The following COL11A1 variants were observed in gnomAD, a reference collection of about 807,000 sequenced individuals.
COL11A1 encodes collagen type XI alpha 1 chain.
Under a neutral mutation model 265.2 loss-of-function variants are expected in COL11A1, and 74 were observed. The observed-to-expected ratio is 0.28, with a 90% CI of 0.23 to 0.34. The LOEUF (loss-of-function observed/expected upper bound fraction) is 0.34, where lower values mean the gene tolerates loss of function less well. COL11A1 is among the 10% of genes least tolerant of loss of function. The pLI is 1.00. For missense variants in COL11A1, 2,165 were observed against 2,263.6 expected (o/e 0.96, Z 0.88); for synonymous variants, 816 against 727.6 (o/e 1.12, Z -1.96).
chr1:103,031,131 T>C lies in COL11A1; in HGVS notation c.765A>G (p.Glu255=), dbSNP rs746077929. The change falls in exon 5 of 67, where the codon GAA becomes GAG. Residue 255 remains glutamate (E), a synonymous_variant. Coordinates refer to ENST00000370096, the MANE Select transcript of COL11A1 (RefSeq NM_001854.4). ...SSAPKAAQAQ[E]PQIDEYAPED... ...TGCTCCTCACCTCATCTATCTGAGG[T>C]TCCTGAGCTTGAGCAGCCTTGGGTG... is the stretch of plus-strand genomic sequence containing the variant. The C allele has an allele frequency of 3.8e-5, 61 of 1,613,342 alleles. No homozygotes were observed. The highest frequency in any genetic ancestry group is 5.1e-5 in the Non-Finnish European group (60 of 1,179,646).
chr1:102,899,004 TA>T lies in COL11A1; in HGVS notation c.4087-11del. 2 of 1,503,458 alleles carry T rather than the reference TA, an allele frequency of 1.3e-6. No homozygotes were observed. Among genetic ancestry groups the T allele is most frequent in the Non-Finnish European group, 1.8e-6 (2 of 1,107,700 alleles). 93.1% of individuals were successfully genotyped at this position (1,503,458 alleles called of 1,614,324 possible). A position where few individuals can be genotyped will look rare whatever the true frequency, so the allele number is the denominator to read the frequency against. On this transcript the variant is annotated splice_polypyrimidine_tract_variant and intron_variant, in intron 54 of 66. Transcript: ENST00000370096. Reference sequence around the variant, plus strand: ...CAGCTCCAGGAGGACCCTATAGACATAAGATTTATTGTAAAATATGTATCAC... The same window carrying T: ...CAGCTCCAGGAGGACCCTATAGACATAGATTTATTGTAAAATATGTATCAC...
intron 28 of COL11A1, among the ~76,000 whole-genome samples, chr1:102,994,310 G>A (rs557680351): frequency 1.3e-5 from 2 of 152,168 alleles, no homozygotes; most frequent in African/African-American, 2.4e-5. Flanking sequence ...ATAGGATCAC[G>A]GGGGTGGATT....
chr1:103,004,202 G>A (rs185606989), intron 20 of COL11A1, among the ~76,000 whole-genome samples: 3 of 152,110 alleles, frequency 2.0e-5, no homozygotes, highest in Admixed American at 2.0e-4. Flanking sequence ...ACTAGGTAAG[G>A]TAACTTTTTT....
chr1:102,967,442 G>C (rs533668594), intron 37 of COL11A1, among the ~76,000 whole-genome samples: 1 of 151,678 alleles, frequency 6.6e-6, no homozygotes, highest in African/African-American at 2.4e-5. Context: ...GGGTTTCACC[G>C]TGTTAGAAAG....
intron 4 of COL11A1, among the ~76,000 whole-genome samples, chr1:103,042,548 G>A (rs1203947865): frequency 1.3e-5 from 2 of 151,940 alleles, no homozygotes; most frequent in Admixed American, 6.6e-5. Context: ...GTTGGTTTCC[G>A]GGACAGACAT....
At chr1:103,002,671 T>A (rs1027386753) in intron 22 of COL11A1, 76 bp downstream of exon 22, 8 of 1,310,868 alleles carry the variant, frequency 6.1e-6, no homozygotes, top group African/African-American at 1.5e-5. Context: ...CATTATATTT[T>A]AGATTTAACA....
intron 36 of COL11A1, among the ~76,000 whole-genome samples, chr1:102,974,203 AG>A (rs1557890912): frequency 6.6e-6 from 1 of 152,202 alleles, no homozygotes; most frequent in Non-Finnish European, 1.5e-5. Context: ...AAAACAAAAA[AG>A]ACCCCAGTAT....
intron 5 of COL11A1, among the ~76,000 whole-genome samples, chr1:103,028,436 A>G (rs12021617): frequency 0.015 from 2,333 of 152,308 alleles, 48 homozygotes; most frequent in East Asian, 0.11. Flanking sequence ...TGCTTAGTAT[A>G]TTCGCAATAT....
In COL11A1 at chr1:103,029,540, G is replaced by C. The variant is rs529856163; in HGVS notation, c.780+1576C>G. On this transcript the variant is annotated intron_variant, in intron 5 of 66. Coordinates refer to ENST00000370096, the MANE Select transcript of COL11A1 (RefSeq NM_001854.4). ...ATAATTTAGAGTTAGAGAAAAAAGG[G>C]AAAGCTAATTCTTTCTTAAAGAAAA... Among the ~76,000 whole-genome samples the C allele has an allele frequency of 3.3e-5, 5 of 152,000 alleles. No homozygotes were observed. The South Asian group carries it at 1.0e-3, about 32-fold the overall frequency.
chr1:103,040,465 G>C (rs1668722757), intron 4 of COL11A1, among the ~76,000 whole-genome samples: 1 of 151,234 alleles, frequency 6.6e-6, no homozygotes, highest in South Asian at 2.1e-4. Flanking sequence ...GTTCCTTGTT[G>C]ATTTAAGGAA....
At chr1:103,079,782 G>A (rs1418078794) in intron 2 of COL11A1, among the ~76,000 whole-genome samples, 10 of 151,860 alleles carry the variant, frequency 6.6e-5, no homozygotes, top group Admixed American at 6.6e-4. Flanking sequence ...CAAAACCATT[G>A]TGTATGTGCA....
rs114031268 is a variant in COL11A1, at chr1:102,895,575, A to C, written c.4302+2550T>G. 2.5e-3 allele frequency among the ~76,000 whole-genome samples: 377 copies of C among 152,150 alleles called. 2 individuals are homozygous for C. Among genetic ancestry groups the C allele is most frequent in the African/African-American group, 8.9e-3 (370 of 41,504 alleles). On this transcript the variant is annotated intron_variant, in intron 57 of 66. Coordinates refer to ENST00000370096, the MANE Select transcript of COL11A1 (RefSeq NM_001854.4). ...TGAATATATGTTATAATGAGGAAAA[A>C]ATTCATCATGGAGAAAGTATTATTA...
At chr1:103,028,198 T>C (rs554316574) in intron 5 of COL11A1, among the ~76,000 whole-genome samples, 2 of 152,224 alleles carry the variant, frequency 1.3e-5, no homozygotes, top group Non-Finnish European at 2.9e-5. Flanking sequence ...GCCCGGCTAA[T>C]TTTTTAAACA....
intron 48 of COL11A1, among the ~76,000 whole-genome samples, chr1:102,920,934 C>T (rs1655921802): frequency 6.6e-6 from 1 of 151,832 alleles, no homozygotes; most frequent in South Asian, 2.1e-4. Flanking sequence ...AAAAGTTGGC[C>T]AGAAGGAAAA....
At chr1:102,892,885 T>A (rs1223087987) in intron 57 of COL11A1, among the ~76,000 whole-genome samples, 4 of 152,176 alleles carry the variant, frequency 2.6e-5, no homozygotes, top group African/African-American at 9.6e-5. Flanking sequence ...TTAATAATAA[T>A]CTTCTAATAA....
At chr1:102,970,115 C>T in intron 37 of COL11A1, 104 bp downstream of exon 37, 2 of 781,096 alleles carry the variant, frequency 2.6e-6, no homozygotes, top group Admixed American at 2.3e-5. Flanking sequence ...TTCCATTTTT[C>T]TCAACCTAGT....
chr1:102,988,515 T>A (rs1434875698), intron 29 of COL11A1, among the ~76,000 whole-genome samples: 1 of 152,164 alleles, frequency 6.6e-6, no homozygotes, highest in Non-Finnish European at 1.5e-5. Flanking sequence ...AAAAATATAT[T>A]TGGAGATTGA....
intron 42 of COL11A1, among the ~76,000 whole-genome samples, chr1:102,946,113 T>C (rs1659237398): frequency 7.6e-6 from 1 of 131,230 alleles, no homozygotes; most frequent in South Asian, 2.8e-4. Context: ...CACTCATAGA[T>C]GGGAACTGAA....
chr1:102,978,586 C>T (rs569068122), intron 35 of COL11A1, 122 bp downstream of exon 35: 2 of 1,065,034 alleles, frequency 1.9e-6, no homozygotes, highest in Non-Finnish European at 2.8e-6. Context: ...TTTTTAAATT[C>T]AGACTAGATT....
Sources: gnomAD v4.1 joint callset for allele counts (sites outside exome capture counted in the v4.1 genomes callset) on GRCh38, gnomAD v4.1.1 for gene constraint, MANE v1.5 for transcripts, NCBI Gene and HGNC (gene_info 2026-07-23, HGNC 2026-07-21) for gene names.